PTPRG: variants seen among roughly 807,000 people sequenced by gnomAD.
The protein encoded by PTPRG is receptor-type tyrosine-protein phosphatase gamma.
A neutral mutation model predicts 165.3 loss-of-function variants in PTPRG; 102 were observed. The ratio of observed to expected loss-of-function variants is 0.62; its 90% CI spans 0.53 to 0.73. The LOEUF is 0.73. Among genes scored for constraint, PTPRG ranks in the 30% least tolerant of loss-of-function variants. The probability of loss-of-function intolerance (pLI) is 0.00; values close to 1 mark genes in which losing one functional copy is unlikely to be tolerated. For synonymous variants in PTPRG, 675 were observed against 669.5 expected, an observed-to-expected ratio of 1.01 and a Z score of -0.13; for missense variants, 1,866 against 1,861.4, an observed-to-expected ratio of 1.00 and a Z score of -0.05.
intron 2 of PTPRG, among the ~76,000 whole-genome samples, chr3:61,914,265 A>G (rs762640053): frequency 1.3e-5 from 2 of 152,144 alleles, no homozygotes; most frequent in Non-Finnish European, 2.9e-5. Context: ...TTGTGATTCC[A>G]TGTGGGGTGC....
intron 9 of PTPRG, 84 bp downstream of exon 9, chr3:62,191,737 G>A: frequency 3.0e-6 from 4 of 1,340,138 alleles, no homozygotes; most frequent in Non-Finnish European, 4.2e-6. Context: ...TGCACAGTGT[G>A]CCAGCTCTGT....
chr3:62,133,641 A>G (rs1277994651), intron 6 of PTPRG, among the ~76,000 whole-genome samples: 1 of 152,170 alleles, frequency 6.6e-6, no homozygotes, highest in Non-Finnish European at 1.5e-5. Flanking sequence ...AAACCTACTC[A>G]GTGTAGAAAA....
At chr3:62,259,256 T>A (rs553431098) in intron 16 of PTPRG, among the ~76,000 whole-genome samples, 92 of 152,326 alleles carry the variant, frequency 6.0e-4, no homozygotes, top group African/African-American at 2.0e-3. Context: ...AGAGGTGTAA[T>A]GCTGCACCGA....
chr3:62,024,965 G>T (rs765400389), intron 4 of PTPRG, among the ~76,000 whole-genome samples: 35 of 152,252 alleles, frequency 2.3e-4, no homozygotes, highest in Middle Eastern at 6.8e-3. Context: ...CCTCTGTTGT[G>T]TCGACCTAAC....
At chr3:62,204,059 T>C (rs1053004924) in intron 12 of PTPRG, 109 bp downstream of exon 12, 6 of 1,440,100 alleles carry the variant, frequency 4.2e-6, no homozygotes, top group Admixed American at 2.8e-5. Flanking sequence ...TTAATATTCT[T>C]AGAATCATAT....
chr3:61,781,401 C>T (rs577955821), intron 2 of PTPRG, among the ~76,000 whole-genome samples: 1 of 152,180 alleles, frequency 6.6e-6, no homozygotes, highest in African/African-American at 2.4e-5. Flanking sequence ...GACAACTGTC[C>T]TTTGATTATT....
intron 4 of PTPRG, among the ~76,000 whole-genome samples, chr3:62,033,386 C>T (rs1192977406): frequency 7.4e-6 from 1 of 135,916 alleles, no homozygotes; most frequent in African/African-American, 2.9e-5. Flanking sequence ...TTTTTTGAGA[C>T]AGGGTCTCAC....
chr3:61,864,189 A>G (rs2037345255), intron 2 of PTPRG, among the ~76,000 whole-genome samples: 1 of 152,160 alleles, frequency 6.6e-6, no homozygotes, highest in Non-Finnish European at 1.5e-5. Flanking sequence ...TGTCATGGAT[A>G]ATTCTCAATA....
At chr3:62,051,534 A>T (rs1222617975) in intron 4 of PTPRG, among the ~76,000 whole-genome samples, 1 of 152,162 alleles carries the variant, frequency 6.6e-6, no homozygotes, top group Non-Finnish European at 1.5e-5. Flanking sequence ...CCTAATTTGG[A>T]ATAATTATAT....
At chr3:62,101,870 A>C (rs1265192799) in intron 5 of PTPRG, among the ~76,000 whole-genome samples, 1 of 152,240 alleles carries the variant, frequency 6.6e-6, no homozygotes, top group Non-Finnish European at 1.5e-5. Context: ...CCCATCAAGT[A>C]TGTAACTCTG....
chr3:61,944,919 G>GT (rs2039719396), intron 2 of PTPRG, among the ~76,000 whole-genome samples: 1 of 152,196 alleles, frequency 6.6e-6, no homozygotes, highest in Admixed American at 6.5e-5. Flanking sequence ...GGCATTAGAG[G>GT]TGTTTCGTAA....
In PTPRG at chr3:61,709,469, C is replaced by CA. The variant is rs1559567688; in HGVS notation, c.86-39408dup. On this transcript the variant is annotated intron_variant, in intron 1 of 29. Coordinates refer to ENST00000474889, the MANE Select transcript of PTPRG (RefSeq NM_002841.4). ...AGCTGGGATTACAGGCATGCACCAC[C>CA]ACAGCTGGCTAATTTTTGTATTTTT... is the stretch of plus-strand genomic sequence containing the variant. 8.5e-5 allele frequency among the ~76,000 whole-genome samples: 13 copies of CA among 152,216 alleles called. No individual in the cohort carries two copies. The South Asian group carries it at 2.7e-3, about 32-fold the overall frequency.
rs190029522 is a variant in PTPRG, at chr3:62,119,982, C to T, written c.616-12620C>T. Among the ~76,000 whole-genome samples, 96 of 152,216 alleles carry T rather than the reference C, an allele frequency of 6.3e-4. 1 individual carries two copies. The Middle Eastern group carries it at 0.01, about 16-fold the overall frequency. ...CTGACTCAGTGGTTCTCATCCCTGC[C>T]TGCACATCAGAATCATCAAGGGAGC... On this transcript the variant is annotated intron_variant, in intron 5 of 29. Coordinates refer to ENST00000474889, the MANE Select transcript of PTPRG (RefSeq NM_002841.4).
chr3:61,954,673 A>T (rs973242449), intron 2 of PTPRG, among the ~76,000 whole-genome samples: 1 of 152,178 alleles, frequency 6.6e-6, no homozygotes, highest in African/African-American at 2.4e-5. Flanking sequence ...TCAGACACTG[A>T]CACTTGTAAG....
chr3:61,601,366 A>G (rs1027961967), intron 1 of PTPRG, among the ~76,000 whole-genome samples: 5 of 152,196 alleles, frequency 3.3e-5, no homozygotes, highest in African/African-American at 1.2e-4. Flanking sequence ...CTCATCCAGA[A>G]CACACTTTGG....
chr3:62,213,263 C>G lies in PTPRG; in HGVS notation c.2156-5588C>G, dbSNP rs1700409781. Among the ~76,000 whole-genome samples, 1 of 152,154 alleles carries G rather than the reference C, an allele frequency of 6.6e-6. No homozygotes were observed. Among genetic ancestry groups the G allele is most frequent in the Non-Finnish European group, 1.5e-5 (1 of 68,040 alleles). On this transcript the variant is annotated intron_variant, in intron 12 of 29. Transcript: ENST00000474889. The surrounding 1 kb of genome is among the most constrained non-coding windows in gnomAD (Gnocchi z 4.4). Reference sequence around the variant, plus strand: ...CACCTCCTCTGTGTCAGGCACTGTGCTTGGTACCTGACTGATCCAGAGCAG... The same window carrying G: ...CACCTCCTCTGTGTCAGGCACTGTGGTTGGTACCTGACTGATCCAGAGCAG...
chr3:62,284,433 G>C (rs1405121444), intron 28 of PTPRG, among the ~76,000 whole-genome samples: 1 of 152,002 alleles, frequency 6.6e-6, no homozygotes, highest in Non-Finnish European at 1.5e-5. Context: ...TAAACCAGTA[G>C]ATCTGCAAAT....
chr3:62,281,462 T>A, intron 26 of PTPRG, 101 bp from the exon 27 acceptor site: 3 of 1,051,612 alleles, frequency 2.9e-6, no homozygotes, highest in Non-Finnish European at 4.0e-6. Flanking sequence ...GTTTAAACGA[T>A]GGCTTGAGAG....
At chr3:61,909,084 G>A (rs577860757) in intron 2 of PTPRG, among the ~76,000 whole-genome samples, 11 of 152,168 alleles carry the variant, frequency 7.2e-5, no homozygotes, top group Non-Finnish European at 1.3e-4. Flanking sequence ...TTAATGGCAA[G>A]GCTATTCTTG....
Sources: gnomAD v4.1 joint callset for allele counts (sites outside exome capture counted in the v4.1 genomes callset) on GRCh38, gnomAD v4.1.1 for gene constraint, Gnocchi (gnomAD v3.1) non-coding constraint, MANE v1.5 for transcripts, NCBI Gene and HGNC (gene_info 2026-07-23, HGNC 2026-07-21) for gene names.